Variants in CALD1 observed in about 807,000 individuals in gnomAD.
CALD1 encodes the protein caldesmon.
CALD1 carries 33 observed loss-of-function variants against 99.9 expected under a neutral mutation model. The observed-to-expected ratio is 0.33, with a 90% CI of 0.25 to 0.44. CALD1 has a LOEUF of 0.44. CALD1 is among the 20% of genes least tolerant of loss of function. CALD1 has a pLI of 1.00. For missense variants in CALD1, 861 were observed against 962.1 expected, an observed-to-expected ratio of 0.89 and a Z score of 1.39; for synonymous variants, 310 against 325.0, an observed-to-expected ratio of 0.95 and a Z score of 0.50.
rs570785471 is a variant in CALD1, at chr7:134,822,518, A to G, written c.-129-21366A>G. 2.0e-5 allele frequency among the ~76,000 whole-genome samples: 3 copies of G among 152,346 alleles called. No homozygotes were observed. The South Asian group carries it at 6.2e-4, about 32-fold the overall frequency. On this transcript the variant is annotated intron_variant, in intron 1 of 14. Coordinates refer to ENST00000361675, the MANE Select transcript of CALD1 (RefSeq NM_033138.4). ...TGAATTCAGAATATAGTGATTTTTCATAAGAAACGACAAAATTTAATAAGT... is the reference window on the plus strand; with the variant it reads ...TGAATTCAGAATATAGTGATTTTTCGTAAGAAACGACAAAATTTAATAAGT...
At chr7:134,852,905 T>G (rs929980096) in intron 2 of CALD1, among the ~76,000 whole-genome samples, 1 of 152,134 alleles carries the variant, frequency 6.6e-6, no homozygotes, top group Non-Finnish European at 1.5e-5. Context: ...AAGCTGGTTG[T>G]GAGATGTTCT....
At chr7:134,799,663 G>A (rs1797873335) in intron 1 of CALD1, among the ~76,000 whole-genome samples, 1 of 152,104 alleles carries the variant, frequency 6.6e-6, no homozygotes, top group Non-Finnish European at 1.5e-5. Flanking sequence ...CTTTTACAGA[G>A]GTTGATAAAG....
chr7:134,751,334 CCTCT>C (rs1190358744), intron 1 of CALD1, among the ~76,000 whole-genome samples: 1 of 152,216 alleles, frequency 6.6e-6, no homozygotes, highest in African/African-American at 2.4e-5. Flanking sequence ...ATTTCCATCT[CCTCT>C]CTGTCTTCCA....
chr7:134,841,837 T>C (rs1181122051), intron 1 of CALD1, among the ~76,000 whole-genome samples: 2 of 152,178 alleles, frequency 1.3e-5, no homozygotes, highest in Admixed American at 6.5e-5. Flanking sequence ...CTTGGAAGTT[T>C]CATGATCCCA....
chr7:134,896,222 T>A (rs1248420462), intron 3 of CALD1, among the ~76,000 whole-genome samples: 2 of 152,214 alleles, frequency 1.3e-5, no homozygotes, highest in Non-Finnish European at 1.5e-5. Context: ...TCGCCATTGT[T>A]CCATCTTCGA....
At chr7:134,857,628 CTTA>C (rs1800373725) in intron 2 of CALD1, among the ~76,000 whole-genome samples, 1 of 152,106 alleles carries the variant, frequency 6.6e-6, no homozygotes, top group Admixed American at 6.5e-5. Flanking sequence ...TACTTTTCAA[CTTA>C]TTATTTATCT....
At chr7:134,857,933 A>G (rs1216190113) in intron 2 of CALD1, among the ~76,000 whole-genome samples, 10 of 152,204 alleles carry the variant, frequency 6.6e-5, no homozygotes, top group Non-Finnish European at 5.9e-5. Context: ...AATTGTTTTC[A>G]GCACTATAAA....
intron 1 of CALD1, among the ~76,000 whole-genome samples, chr7:134,755,277 G>C (rs1345133834): frequency 1.3e-5 from 2 of 152,058 alleles, no homozygotes; most frequent in African/African-American, 4.8e-5. Context: ...CTGGGATTAC[G>C]GGCGTGAGCC....
At chr7:134,823,178 A>C (rs1461165881) in intron 1 of CALD1, among the ~76,000 whole-genome samples, 2 of 152,224 alleles carry the variant, frequency 1.3e-5, no homozygotes, top group Admixed American at 1.3e-4. Context: ...AAAGATGCCT[A>C]TGAGAACAAA....
the CALD1 span, among the ~76,000 whole-genome samples, chr7:134,716,658 A>G: frequency 1.3e-5 from 2 of 152,244 alleles, no homozygotes; most frequent in African/African-American, 4.8e-5. Context: ...CACCATGACC[A>G]AAGTGAGTTC....
At chr7:134,961,181 C>T (rs1808236339) in intron 13 of CALD1, 1 of 152,168 alleles carries the variant, frequency 6.6e-6, no homozygotes, top group South Asian at 2.1e-4. Context: ...ACTAGAAAAA[C>T]TGGTTATGAA....
chr7:134,862,652 A>G (rs1035895908), intron 2 of CALD1, among the ~76,000 whole-genome samples: 2 of 152,230 alleles, frequency 1.3e-5, no homozygotes, highest in African/African-American at 2.4e-5. Context: ...TGGTGAATAC[A>G]TGACATTCGG....
chr7:134,860,095 A>G (rs1800497369), intron 2 of CALD1, among the ~76,000 whole-genome samples: 1 of 152,178 alleles, frequency 6.6e-6, no homozygotes, highest in Non-Finnish European at 1.5e-5. Context: ...CACCTTGAGA[A>G]GACAAAGTGC....
At chr7:134,952,960 C>A (rs1290324929) in intron 9 of CALD1, among the ~76,000 whole-genome samples, 1 of 152,110 alleles carries the variant, frequency 6.6e-6, no homozygotes, top group Admixed American at 6.5e-5. Flanking sequence ...AGGGAAAGAA[C>A]AAAGCAAGGT....
At chr7:134,938,791 A>C (rs1225271969) in intron 6 of CALD1, among the ~76,000 whole-genome samples, 1 of 152,202 alleles carries the variant, frequency 6.6e-6, no homozygotes, top group East Asian at 1.9e-4. Flanking sequence ...CATCCACTAT[A>C]GCCTTTGCCA....
intron 1 of CALD1, among the ~76,000 whole-genome samples, chr7:134,767,306 C>T (rs1185630846): frequency 6.6e-6 from 1 of 151,914 alleles, no homozygotes; most frequent in African/African-American, 2.4e-5. Context: ...TTTGCTTAGT[C>T]CAAACAGCCA....
At chr7:134,913,424 TA>T (rs1803969043) in intron 3 of CALD1, among the ~76,000 whole-genome samples, 1 of 152,258 alleles carries the variant, frequency 6.6e-6, no homozygotes, top group African/African-American at 2.4e-5. Flanking sequence ...AGATTAAATT[TA>T]ACATTACTTT....
At chr7:134,848,113 T>A (rs1799929199) in intron 2 of CALD1, among the ~76,000 whole-genome samples, 1 of 151,522 alleles carries the variant, frequency 6.6e-6, no homozygotes, top group Non-Finnish European at 1.5e-5. Context: ...AAAAAAGCCC[T>A]AAGACATTTT....
intron 2 of CALD1, among the ~76,000 whole-genome samples, chr7:134,847,670 C>T (rs949573367): frequency 3.3e-5 from 5 of 152,216 alleles, no homozygotes; most frequent in African/African-American, 7.2e-5. Context: ...CCCAAATAAA[C>T]GTGTTTCCCC....
Sources: allele counts gnomAD v4.1 joint callset (sites outside exome capture counted in the v4.1 genomes callset), GRCh38; gene constraint gnomAD v4.1.1; transcripts MANE v1.5; gene names NCBI Gene and HGNC (gene_info 2026-07-23, HGNC 2026-07-21).